AUTS2: variants seen among roughly 807,000 people sequenced by gnomAD.
AUTS2 encodes autism susceptibility gene 2 protein.
Under a neutral mutation model 112.4 loss-of-function variants are expected in AUTS2, and 17 were observed. The ratio of observed to expected loss-of-function variants is 0.15; its 90% CI spans 0.10 to 0.23. AUTS2 has a LOEUF of 0.23. Ranked by LOEUF, AUTS2 falls within the 10% of genes least tolerant of loss-of-function variation. The pLI is 1.00. For synonymous variants in AUTS2, 751 were observed against 702.7 expected, an observed-to-expected ratio of 1.07 and a Z score of -1.09; for missense variants, 1,510 against 1,701.6, an observed-to-expected ratio of 0.89 and a Z score of 1.98.
intron 5 of AUTS2, among the ~76,000 whole-genome samples, chr7:70,454,910 T>C (rs1796674024): frequency 6.6e-6 from 1 of 152,214 alleles, no homozygotes; most frequent in Non-Finnish European, 1.5e-5. Context: ...CTTTGAGCTC[T>C]AGACCATTCC....
chr7:69,682,716 C>T (rs1037854318), intron 1 of AUTS2, among the ~76,000 whole-genome samples: 1 of 152,180 alleles, frequency 6.6e-6, no homozygotes, highest in Non-Finnish European at 1.5e-5. Flanking sequence ...AGTTCTGTTA[C>T]TTAATACAGA....
At chr7:69,607,203 C>T (rs1280920446) in intron 1 of AUTS2, among the ~76,000 whole-genome samples, 3 of 152,076 alleles carry the variant, frequency 2.0e-5, no homozygotes, top group Non-Finnish European at 4.4e-5. Context: ...GGGCTCTGGA[C>T]CCTGAAATCA....
intron 4 of AUTS2, among the ~76,000 whole-genome samples, chr7:70,247,765 T>C (rs1238263032): frequency 6.6e-6 from 1 of 152,198 alleles, no homozygotes; most frequent in Non-Finnish European, 1.5e-5. Context: ...TCCAGTTACC[T>C]ATGACATTCA....
intron 1 of AUTS2, among the ~76,000 whole-genome samples, chr7:69,707,100 TA>T (rs1798093415): frequency 1.3e-5 from 2 of 152,238 alleles, no homozygotes. Context: ...TTTCACATTT[TA>T]AAATTTTCTT....
chr7:69,686,642 A>T (rs1158451215), intron 1 of AUTS2, among the ~76,000 whole-genome samples: 1 of 152,230 alleles, frequency 6.6e-6, no homozygotes, highest in East Asian at 1.9e-4. Context: ...GACATAAGTA[A>T]TTTGGGTATG....
chr7:69,877,816 G>A (rs545373505), intron 1 of AUTS2, among the ~76,000 whole-genome samples: 1 of 152,224 alleles, frequency 6.6e-6, no homozygotes, highest in Admixed American at 6.5e-5. Flanking sequence ...GACCACTGGT[G>A]TAGACAGAAA....
At chr7:70,685,419 G>T (rs965712794) in intron 5 of AUTS2, among the ~76,000 whole-genome samples, 1 of 142,212 alleles carries the variant, frequency 7.0e-6, no homozygotes, top group Non-Finnish European at 1.5e-5. Context: ...GTTGCAGTGA[G>T]CAGAAATCGC....
Position 70,322,591 on chromosome 7 carries a change from A to C in AUTS2, c.661-113161A>C, listed in dbSNP as rs1026383985. Among the ~76,000 whole-genome samples the C allele has an allele frequency of 5.3e-5, 8 of 152,290 alleles. No individual in the cohort carries two copies. In the South Asian group the frequency reaches 1.7e-3, roughly 32 times the overall value. Reference sequence around the variant, plus strand: ...TAGAAGTCAAATGTGTTGTTGTTTCAATTTTATGGCCTCTCTGCTGGTGAG... The same window carrying C: ...TAGAAGTCAAATGTGTTGTTGTTTCCATTTTATGGCCTCTCTGCTGGTGAG... On this transcript the variant is annotated intron_variant, in intron 4 of 18. Coordinates refer to ENST00000342771, the MANE Select transcript of AUTS2 (RefSeq NM_015570.4).
At chr7:70,243,093 C>T (rs1812710300) in intron 4 of AUTS2, among the ~76,000 whole-genome samples, 1 of 152,038 alleles carries the variant, frequency 6.6e-6, no homozygotes, top group Non-Finnish European at 1.5e-5. Flanking sequence ...TAAATTAAAA[C>T]GAGGTCTCTG....
intron 2 of AUTS2, among the ~76,000 whole-genome samples, chr7:70,013,842 C>G (rs1349155741): frequency 3.9e-5 from 6 of 152,156 alleles, no homozygotes; most frequent in African/African-American, 1.4e-4. Flanking sequence ...CTCAGCCTCC[C>G]AAGTAGCTGG....
intron 2 of AUTS2, among the ~76,000 whole-genome samples, chr7:69,992,148 T>C (rs780982654): frequency 3.9e-5 from 6 of 152,204 alleles, no homozygotes; most frequent in Non-Finnish European, 5.9e-5. Context: ...GCTGATTGTG[T>C]CCATGTGAGA....
intron 1 of AUTS2, among the ~76,000 whole-genome samples, chr7:69,767,378 T>C (rs1788474077): frequency 6.6e-6 from 1 of 152,134 alleles, no homozygotes; most frequent in African/African-American, 2.4e-5. Flanking sequence ...GGTTTCACCA[T>C]GTTGCCCAGG....
At chr7:70,108,193 TTGAAA>T (rs1245440852) in intron 2 of AUTS2, among the ~76,000 whole-genome samples, 1 of 152,086 alleles carries the variant, frequency 6.6e-6, no homozygotes, top group Non-Finnish European at 1.5e-5. Context: ...TTGGCTGCAC[TTGAAA>T]TGAACTGGGA....
intron 6 of AUTS2, among the ~76,000 whole-genome samples, chr7:70,734,986 T>C (rs1188358612): frequency 6.6e-6 from 1 of 150,908 alleles, no homozygotes; most frequent in African/African-American, 2.4e-5. Context: ...AAGGTCAAGA[T>C]AAATATAAAT....
chr7:70,396,871 T>C (rs369435608), intron 4 of AUTS2, among the ~76,000 whole-genome samples: 4 of 152,314 alleles, frequency 2.6e-5, no homozygotes, highest in Admixed American at 1.3e-4. Flanking sequence ...ATATATGTAT[T>C]TGAATCTTAA....
At chr7:70,702,897 G>A (rs989852754) in intron 6 of AUTS2, among the ~76,000 whole-genome samples, 5 of 152,152 alleles carry the variant, frequency 3.3e-5, no homozygotes, top group African/African-American at 9.7e-5. Flanking sequence ...GAGAATTTCC[G>A]GTGGAACACA....
At chr7:70,713,683 A>G (rs2129550278) in intron 6 of AUTS2, among the ~76,000 whole-genome samples, 1 of 152,038 alleles carries the variant, frequency 6.6e-6, no homozygotes. Context: ...TCACGAGGTC[A>G]GGAGATTGAG....
At chr7:70,157,279 C>CT (rs1001240672) in intron 4 of AUTS2, among the ~76,000 whole-genome samples, 4 of 151,564 alleles carry the variant, frequency 2.6e-5, no homozygotes, top group African/African-American at 9.7e-5. Flanking sequence ...TCTTTTTCTC[C>CT]TTTTTTTGTT....
intron 1 of AUTS2, among the ~76,000 whole-genome samples, chr7:69,719,746 C>T (rs748473225): frequency 1.8e-4 from 27 of 152,270 alleles, no homozygotes; most frequent in Non-Finnish European, 3.8e-4. Context: ...TCATCTATGC[C>T]TGATGCCTGA....
Sources: gnomAD v4.1 joint callset for allele counts (sites outside exome capture counted in the v4.1 genomes callset) on GRCh38, gnomAD v4.1.1 for gene constraint, MANE v1.5 for transcripts, NCBI Gene and HGNC (gene_info 2026-07-23, HGNC 2026-07-21) for gene names.